FGFR1: variants seen among roughly 807,000 people sequenced by gnomAD.
FGFR1 encodes the protein FGFR1/PLAG1 fusion.
FGFR1 carries 18 observed loss-of-function variants against 93.7 expected under a neutral mutation model. That is an observed-to-expected ratio of 0.19 (90% CI 0.13 to 0.28). The LOEUF (loss-of-function observed/expected upper bound fraction) is 0.28. FGFR1 is among the 10% of genes least tolerant of loss of function. The pLI is 1.00. For synonymous variants in FGFR1, 448 were observed against 429.3 expected, an observed-to-expected ratio of 1.04 and a Z score of -0.54; for missense variants, 731 against 1,080.4, an observed-to-expected ratio of 0.68 and a Z score of 4.53.
intron 1 of FGFR1, among the ~76,000 whole-genome samples, chr8:38,461,557 C>T (rs1383088604): frequency 2.0e-5 from 3 of 152,178 alleles, no homozygotes; most frequent in Non-Finnish European, 2.9e-5. Flanking sequence ...GATCCACCTA[C>T]AGTGGCCTCC....
chr8:38,425,145 C>CTT (rs34812083), intron 6 of FGFR1, among the ~76,000 whole-genome samples: 1 of 146,850 alleles, frequency 6.8e-6, no homozygotes, highest in Non-Finnish European at 1.5e-5. Context: ...TCCTTTTTAC[C>CTT]TTTTTTTTTT....
chr8:38,415,168 T>C (rs1013825261), intron 13 of FGFR1, among the ~76,000 whole-genome samples: 3 of 152,258 alleles, frequency 2.0e-5, no homozygotes, highest in South Asian at 4.2e-4. Flanking sequence ...AGGTCCTGCC[T>C]CCCAGCACAG....
intron 12 of FGFR1, among the ~76,000 whole-genome samples, chr8:38,416,355 G>A (rs922258142): frequency 2.0e-5 from 3 of 152,014 alleles, no homozygotes; most frequent in Admixed American, 2.0e-4. Context: ...CGCAATTTCG[G>A]CTCACTGCAA....
chr8:38,441,130 G>A (rs1308489710), intron 2 of FGFR1, among the ~76,000 whole-genome samples: 2 of 151,326 alleles, frequency 1.3e-5, no homozygotes, highest in African/African-American at 4.9e-5. Context: ...CTTGGGAATC[G>A]CAGGCGCCAA....
intron 2 of FGFR1, among the ~76,000 whole-genome samples, chr8:38,430,972 C>A (rs944058485): frequency 6.6e-6 from 1 of 152,172 alleles, no homozygotes; most frequent in Non-Finnish European, 1.5e-5. Flanking sequence ...TCTGCACTCA[C>A]GAGGGGAAAT....
intron 1 of FGFR1, among the ~76,000 whole-genome samples, chr8:38,462,085 T>C (rs1834522992): frequency 6.6e-6 from 1 of 152,216 alleles, no homozygotes; most frequent in Non-Finnish European, 1.5e-5. Flanking sequence ...CACCGCATCT[T>C]AAAAACTTGT....
At position 38,412,670 on chromosome 8, in the gene FGFR1, C is replaced by T. The variant is rs537880800; in HGVS notation, c.*958G>A. 1.3e-5 allele frequency: 3 copies of T among 233,096 alleles called. No individual in the cohort carries two copies. The highest frequency in any genetic ancestry group is 3.6e-4 in the South Asian group (2 of 5,492). 14.4% of individuals were successfully genotyped at this position (233,096 alleles called of 1,614,324 possible). On this transcript the variant is annotated 3_prime_UTR_variant, in exon 18 of 18. Transcript: ENST00000447712. Reference sequence around the variant, plus strand: ...TCGGGACAGACCTAGCCCCAGGGCCCGTGGGTGTCCCTTCTTTCCAGTGGA... The same window carrying T: ...TCGGGACAGACCTAGCCCCAGGGCCTGTGGGTGTCCCTTCTTTCCAGTGGA...
rs2150753115 is a variant in FGFR1, at chr8:38,421,822, G to A, written c.1056C>T (p.His352=). ...LAGNSIGLSH[H]SAWLTVLEAL... ...CTTCCAGAACGGTCAACCATGCAGA[G>A]TGATGGGAGAGTCCGATAGAGTTAC... The change falls in exon 8 of 18, where the codon CAC becomes CAT. Residue 352 remains histidine, a synonymous_variant. Transcript: ENST00000447712. 1 of 1,614,040 alleles carries A rather than the reference G, an allele frequency of 6.2e-7. No homozygotes were observed. The highest frequency in any genetic ancestry group is 2.2e-5 in the East Asian group (1 of 44,882).
chr8:38,420,753 C>T (rs533665957), intron 8 of FGFR1, among the ~76,000 whole-genome samples: 35 of 152,248 alleles, frequency 2.3e-4, no homozygotes, highest in Admixed American at 1.1e-3. Flanking sequence ...ATGGAGGCGG[C>T]GCCCCTGGGA....
Position 38,428,394 on chromosome 8 carries a change from A to AGTC in FGFR1, c.397_399dup (p.Asp133dup), listed in dbSNP as rs1821557302. ...TCTGTTTCTTTCTCCTCTGAAGAGGAGTCATCATCATCATCATCATCCTCC... is the reference window on the plus strand; with the variant it reads ...TCTGTTTCTTTCTCCTCTGAAGAGGAGTCGTCATCATCATCATCATCATCCTCC... On this transcript the variant is annotated inframe_insertion, in exon 4 of 18. Coordinates refer to ENST00000447712, the MANE Select transcript of FGFR1 (RefSeq NM_023110.3). 6.8e-6 allele frequency: 11 copies of AGTC among 1,613,934 alleles called. No homozygotes were observed. Among genetic ancestry groups the AGTC allele is most frequent in the Non-Finnish European group, 8.5e-6 (10 of 1,179,988 alleles).
At chr8:38,436,806 C>T (rs1457062183) in intron 2 of FGFR1, among the ~76,000 whole-genome samples, 2 of 152,098 alleles carry the variant, frequency 1.3e-5, no homozygotes, top group East Asian at 3.9e-4. Context: ...GATAATGAGG[C>T]CCTACTGAAT....
intron 2 of FGFR1, among the ~76,000 whole-genome samples, chr8:38,443,374 A>C (rs140554250): frequency 0.015 from 2,235 of 152,178 alleles, 38 homozygotes; most frequent in Non-Finnish European, 0.022. Context: ...AAATTTAAAA[A>C]TTGGCCGGGC....
rs376018211 is a variant in FGFR1, at chr8:38,457,467, T to C, written c.-21A>G. On this transcript the variant is annotated 5_prime_UTR_variant, in exon 2 of 18. Coordinates refer to ENST00000447712, the MANE Select transcript of FGFR1 (RefSeq NM_023110.3). ...CACATCCCAGTTCTGCAGTTAGAGG[T>C]TGGTGACAAGGCTCCACATCTCCAT... 3.7e-5 allele frequency: 59 copies of C among 1,613,524 alleles called. 3 individuals are homozygous for C. The South Asian group carries it at 5.8e-4, about 16-fold the overall frequency.
Position 38,413,432 on chromosome 8 carries a change from C to A in FGFR1, c.*196G>T, listed in dbSNP as rs571270516. The A allele has an allele frequency of 3.8e-5, 23 of 608,764 alleles. No individual in the cohort carries two copies. The South Asian group carries it at 4.7e-4, about 12-fold the overall frequency. 37.7% of individuals were successfully genotyped at this position (608,764 alleles called of 1,614,324 possible). A position where few individuals can be genotyped will look rare whatever the true frequency, so the allele number is the denominator to read the frequency against. On this transcript the variant is annotated 3_prime_UTR_variant, in exon 18 of 18. Coordinates refer to ENST00000447712, the MANE Select transcript of FGFR1 (RefSeq NM_023110.3). The surrounding 1 kb of genome is among the most constrained non-coding windows in gnomAD (Gnocchi z 4.2). Reference sequence around the variant, plus strand: ...AAGATCTGCCTCTTTGCACCTCTCACCAGCAGGTGGAGAGGAGGTGGAGGG... The same window carrying A: ...AAGATCTGCCTCTTTGCACCTCTCAACAGCAGGTGGAGAGGAGGTGGAGGG...
At position 38,449,725 on chromosome 8, in the gene FGFR1, G is replaced by C. The variant is rs115700346; in HGVS notation, c.91+7631C>G. ...CGCCACAGCATGTGAACGAGGAGAG[G>C]GCGTGGAGTTTCAAGCTCTGCCAGG... On this transcript the variant is annotated intron_variant, in intron 2 of 17. Transcript: ENST00000447712. 8.8e-3 allele frequency among the ~76,000 whole-genome samples: 1,336 copies of C among 152,312 alleles called. 17 individuals are homozygous for C. The highest frequency in any genetic ancestry group is 0.031 in the African/African-American group (1,294 of 41,558).
chr8:38,414,497 A>T, intron 15 of FGFR1, 62 bp downstream of exon 15: 1 of 1,588,916 alleles, frequency 6.3e-7, no homozygotes, highest in Admixed American at 1.7e-5. Context: ...AGAAAGCAGG[A>T]CTCTACAGTG....
chr8:38,420,822 C>T (rs1272858870), intron 8 of FGFR1, among the ~76,000 whole-genome samples: 1 of 152,200 alleles, frequency 6.6e-6, no homozygotes, highest in Non-Finnish European at 1.5e-5. Flanking sequence ...CAGAGAACGT[C>T]CCAAGGCCTG....
intron 13 of FGFR1, 54 bp from the exon 14 acceptor site, chr8:38,414,955 C>G (rs1274033802): frequency 2.0e-6 from 3 of 1,526,652 alleles, no homozygotes; most frequent in Non-Finnish European, 2.7e-6. Flanking sequence ...AGCTGGAAGG[C>G]TCTGGGCGGC....
chr8:38,454,253 G>A (rs985165983), intron 2 of FGFR1, among the ~76,000 whole-genome samples: 11 of 149,566 alleles, frequency 7.4e-5, no homozygotes, highest in African/African-American at 1.7e-4. Context: ...TACTCATCCC[G>A]TCGGGCTGGC....
Sources: gnomAD v4.1 joint callset for allele counts (sites outside exome capture counted in the v4.1 genomes callset) on GRCh38, gnomAD v4.1.1 for gene constraint, Gnocchi (gnomAD v3.1) non-coding constraint, MANE v1.5 for transcripts, NCBI Gene and HGNC (gene_info 2026-07-23, HGNC 2026-07-21) for gene names.